The following CACNA2D3 variants were observed in gnomAD, a reference collection of about 807,000 sequenced individuals.
The protein encoded by CACNA2D3 is calcium voltage-gated channel auxiliary subunit alpha2delta 3.
Under a neutral mutation model 160.6 loss-of-function variants are expected in CACNA2D3, and 60 were observed. The ratio of observed to expected loss-of-function variants is 0.37; its 90% confidence interval spans 0.30 to 0.46. CACNA2D3 has a LOEUF of 0.46. CACNA2D3 is among the 20% of genes least tolerant of loss of function. CACNA2D3 has a pLI of 1.00. For missense variants in CACNA2D3, 1,205 were observed against 1,365.0 expected (o/e 0.88, Z 1.85); for synonymous variants, 558 against 492.9 (o/e 1.13, Z -1.75).
At chr3:54,359,817 AT>A (rs1347396735) in intron 3 of CACNA2D3, among the ~76,000 whole-genome samples, 1 of 152,100 alleles carries the variant, frequency 6.6e-6, no homozygotes, top group African/African-American at 2.4e-5. Context: ...ATCATCCATG[AT>A]TTTCTGGACT....
chr3:54,966,075 G>T (rs1331365740), intron 27 of CACNA2D3, among the ~76,000 whole-genome samples: 3 of 152,134 alleles, frequency 2.0e-5, no homozygotes, highest in Non-Finnish European at 4.4e-5. Flanking sequence ...TAAACACCCA[G>T]CGGGGAGCAG....
chr3:54,672,381 C>T (rs1434513539), intron 11 of CACNA2D3, among the ~76,000 whole-genome samples: 1 of 152,100 alleles, frequency 6.6e-6, no homozygotes, highest in African/African-American at 2.4e-5. Context: ...GTGCCCCAGC[C>T]CTTCAGTGCC....
intron 35 of CACNA2D3, among the ~76,000 whole-genome samples, chr3:55,045,105 G>C (rs1704046984): frequency 2.0e-5 from 3 of 152,176 alleles, no homozygotes; most frequent in Admixed American, 2.0e-4. Flanking sequence ...CTGGCATGCA[G>C]TGGTATGATC....
intron 13 of CACNA2D3, among the ~76,000 whole-genome samples, chr3:54,812,506 A>G (rs1442305922): frequency 1.3e-5 from 2 of 152,200 alleles, no homozygotes; most frequent in Non-Finnish European, 1.5e-5. Flanking sequence ...GAGAGCACGG[A>G]CAGTCTTCAT....
chr3:54,891,495 A>G (rs1227765801), intron 25 of CACNA2D3, 45 bp downstream of exon 25: 1 of 1,374,846 alleles, frequency 7.3e-7, no homozygotes, highest in African/African-American at 1.4e-5. Context: ...AGCTTCTGAA[A>G]TGGAACATTC....
In CACNA2D3 at chr3:54,125,949, A is replaced by G. The variant is rs1361626365; in HGVS notation, c.204+2355A>G. On this transcript the variant is annotated intron_variant, in intron 2 of 37. Transcript: ENST00000474759. ...TATCACTGTGTCCTTAACAATTAAG[A>G]TGCTTTCAAAATGAGTTAGAAAATT... Among the ~76,000 whole-genome samples, 4 of 152,236 alleles carry G rather than the reference A, an allele frequency of 2.6e-5. No homozygotes were observed. The East Asian group carries it at 7.7e-4, about 29-fold the overall frequency.
At chr3:54,830,450 C>CTT (rs35103723) in intron 14 of CACNA2D3, among the ~76,000 whole-genome samples, 6 of 137,312 alleles carry the variant, frequency 4.4e-5, no homozygotes, top group Admixed American at 7.3e-5. Flanking sequence ...CATTTAAATA[C>CTT]TTTTTTTTTT....
chr3:54,280,131 G>A (rs1240668923), intron 2 of CACNA2D3, among the ~76,000 whole-genome samples: 1 of 151,870 alleles, frequency 6.6e-6, no homozygotes, highest in Non-Finnish European at 1.5e-5. Context: ...GCCCAGGCTG[G>A]AGTGCAGTGG....
intron 4 of CACNA2D3, among the ~76,000 whole-genome samples, chr3:54,423,452 G>T (rs751072002): frequency 7.9e-5 from 12 of 152,106 alleles, no homozygotes; most frequent in Non-Finnish European, 1.2e-4. Flanking sequence ...CCTCTCCTTT[G>T]CACCCTCAGC....
At chr3:54,279,039 C>T (rs530457750) in intron 2 of CACNA2D3, among the ~76,000 whole-genome samples, 1 of 152,302 alleles carries the variant, frequency 6.6e-6, no homozygotes, top group South Asian at 2.1e-4. Flanking sequence ...ATCAAATTAG[C>T]ATTCTTTAAT....
chr3:54,241,589 C>T lies in CACNA2D3; in HGVS notation c.205-78853C>T, dbSNP rs532346008. Among the ~76,000 whole-genome samples the T allele has an allele frequency of 1.1e-4, 16 of 152,314 alleles. No homozygotes were observed. The South Asian group carries it at 1.5e-3, about 14-fold the overall frequency. On this transcript the variant is annotated intron_variant, in intron 2 of 37. Transcript: ENST00000474759. ...TTGGGTATGCCCAATTCAAATTGCA[C>T]GCAAGAGACTTGGCTGGTATATGGC...
At chr3:54,247,716 AC>A (rs1371434635) in intron 2 of CACNA2D3, among the ~76,000 whole-genome samples, 1 of 152,162 alleles carries the variant, frequency 6.6e-6, no homozygotes, top group Non-Finnish European at 1.5e-5. Flanking sequence ...AAAGCAGGAA[AC>A]CACAACTAGT....
chr3:54,849,502 T>C (rs1167283898), intron 17 of CACNA2D3, among the ~76,000 whole-genome samples: 2 of 152,208 alleles, frequency 1.3e-5, no homozygotes, highest in Non-Finnish European at 2.9e-5. Flanking sequence ...CTGGAGGTTG[T>C]AAATGACTTG....
Position 54,985,809 on chromosome 3 carries a change from G to C in CACNA2D3, c.2619+1139G>C, listed in dbSNP as rs1329176441. Reference sequence around the variant, plus strand: ...GGGGCTCCAGGAAACTTGAGGAATTGTGCTTTCATTTCCTGTCTTATTTTA... The same window carrying C: ...GGGGCTCCAGGAAACTTGAGGAATTCTGCTTTCATTTCCTGTCTTATTTTA... On this transcript the variant is annotated intron_variant, in intron 30 of 37. Coordinates refer to ENST00000474759, the MANE Select transcript of CACNA2D3 (RefSeq NM_018398.3). Among the ~76,000 whole-genome samples, 3 of 152,260 alleles carry C rather than the reference G, an allele frequency of 2.0e-5. No individual in the cohort carries two copies. In the East Asian group the frequency reaches 5.8e-4, roughly 29 times the overall value.
At chr3:55,012,750 A>G (rs1368018767) in intron 34 of CACNA2D3, among the ~76,000 whole-genome samples, 1 of 152,094 alleles carries the variant, frequency 6.6e-6, no homozygotes, top group African/African-American at 2.4e-5. Context: ...CCCCCATAAC[A>G]AAGAAATATC....
intron 5 of CACNA2D3, among the ~76,000 whole-genome samples, chr3:54,533,924 A>T (rs1425932285): frequency 1.3e-5 from 2 of 152,138 alleles, no homozygotes; most frequent in African/African-American, 4.8e-5. Context: ...TGCTATTTTT[A>T]TTCTTGAAAA....
At chr3:54,824,533 T>C (rs1703709272) in intron 14 of CACNA2D3, among the ~76,000 whole-genome samples, 1 of 152,216 alleles carries the variant, frequency 6.6e-6, no homozygotes, top group Non-Finnish European at 1.5e-5. Flanking sequence ...CGCATTCCAC[T>C]CCTACAGGTG....
At chr3:54,258,202 ATATT>A (rs937934479) in intron 2 of CACNA2D3, among the ~76,000 whole-genome samples, 26 of 152,224 alleles carry the variant, frequency 1.7e-4, no homozygotes, top group African/African-American at 5.8e-4. Flanking sequence ...TTTTGTTTTA[ATATT>A]TATTTATTAT....
chr3:54,699,370 T>C (rs2106945055), intron 11 of CACNA2D3, among the ~76,000 whole-genome samples: 1 of 152,268 alleles, frequency 6.6e-6, no homozygotes, highest in African/African-American at 2.4e-5. Context: ...CCTTCTTTAA[T>C]GGGGCAGAAG....
Sources: gnomAD v4.1 joint callset for allele counts (sites outside exome capture counted in the v4.1 genomes callset) on GRCh38, gnomAD v4.1.1 for gene constraint, MANE v1.5 for transcripts, NCBI Gene and HGNC (gene_info 2026-07-23, HGNC 2026-07-21) for gene names.